PRKAR1A: variants seen among roughly 807,000 people sequenced by gnomAD.
PRKAR1A encodes cAMP-dependent protein kinase type I-alpha regulatory subunit.
In PRKAR1A, 3 loss-of-function variants were observed where a neutral mutation model predicts 52.0. The ratio of observed to expected loss-of-function variants is 0.06; its 90% CI spans 0.03 to 0.15. The LOEUF (loss-of-function observed/expected upper bound fraction) is 0.15, where lower values mean the gene tolerates loss of function less well. Ranked by LOEUF, PRKAR1A falls within the 10% of genes least tolerant of loss-of-function variation. PRKAR1A has a pLI of 1.00. For missense variants in PRKAR1A, 240 were observed against 477.4 expected (o/e 0.50, Z 4.63); for synonymous variants, 188 against 168.4 (o/e 1.12, Z -0.90).
chr17:68,453,023 C>T, the PRKAR1A span: 21 of 1,568,712 alleles, frequency 1.3e-5, no homozygotes, highest in South Asian at 4.4e-5. Context: ...ATGGGAATAA[C>T]GACAGGTATT....
chr17:68,453,224 G>C, the PRKAR1A span, among the ~76,000 whole-genome samples: 1 of 152,120 alleles, frequency 6.6e-6, no homozygotes, highest in African/African-American at 2.4e-5. Flanking sequence ...AAATGATCAA[G>C]GGGCATGAAA....
the PRKAR1A span, among the ~76,000 whole-genome samples, chr17:68,503,488 G>A: frequency 3.3e-5 from 5 of 152,280 alleles, no homozygotes; most frequent in East Asian, 9.6e-4. Flanking sequence ...CATCTATACA[G>A]TGGAATATTA....
chr17:68,456,893 A>G, the PRKAR1A span, among the ~76,000 whole-genome samples: 112 of 152,296 alleles, frequency 7.4e-4, no homozygotes, highest in Non-Finnish European at 1.3e-3. Flanking sequence ...GACAAATGGG[A>G]AAGTTTTTCC....
chr17:68,496,214 G>A, the PRKAR1A span, among the ~76,000 whole-genome samples: 61,165 of 147,412 alleles, frequency 0.41, 13,156 homozygotes, highest in East Asian at 0.65. Context: ...GCTAATTTTT[G>A]TATTTTTTGT....
At chr17:68,488,734 CAAAAAAAAAAA>C in the PRKAR1A span, among the ~76,000 whole-genome samples, 2 of 42,812 alleles carry the variant, frequency 4.7e-5, no homozygotes, top group African/African-American at 8.6e-5. Flanking sequence ...CATCTCAAAA[CAAAAAAAAAAA>C]AAAAAAAAAA....
Position 68,542,214 on chromosome 17 carries a change from C to G in PRKAR1A, c.974-8870C>G. ...AGGAGTAAGTGGAGGGCTCTGGAGG[C>G]ATGACATCTTCCTGGCCTAGGAAAT... is the stretch of plus-strand genomic sequence containing the variant. On this transcript the variant is annotated intron_variant, in intron 11 of 11. Transcript: ENST00000585981. 6 of 1,599,188 alleles carry G rather than the reference C, an allele frequency of 3.8e-6. No homozygotes were observed. In the South Asian group the frequency reaches 6.6e-5, roughly 18 times the overall value.
the PRKAR1A span, chr17:68,450,949 G>A: frequency 6.4e-7 from 1 of 1,569,438 alleles, no homozygotes; most frequent in Non-Finnish European, 8.6e-7. Context: ...TTCCAAGAAG[G>A]ATTCCAGCCT....
chr17:68,446,833 A>G, the PRKAR1A span, among the ~76,000 whole-genome samples: 1 of 152,136 alleles, frequency 6.6e-6, no homozygotes, highest in Non-Finnish European at 1.5e-5. Context: ...TGATGGCACC[A>G]TCTGCTCTGC....
At chr17:68,514,077 T>G (rs916191166) in intron 1 of PRKAR1A, among the ~76,000 whole-genome samples, 27 of 152,242 alleles carry the variant, frequency 1.8e-4, no homozygotes, top group Admixed American at 1.8e-3. Context: ...TGTTTTTGTT[T>G]TGCCTGTTTA....
the PRKAR1A span, among the ~76,000 whole-genome samples, chr17:68,430,734 A>T: frequency 6.6e-6 from 1 of 152,304 alleles, no homozygotes; most frequent in South Asian, 2.1e-4. Context: ...ACTTCATCCC[A>T]AGGCCTCTGC....
chr17:68,481,222 C>A, the PRKAR1A span, among the ~76,000 whole-genome samples: 10 of 152,302 alleles, frequency 6.6e-5, no homozygotes, highest in South Asian at 1.2e-3. Flanking sequence ...CTTTTTGGCA[C>A]CAGGGACTGG....
chr17:68,426,001 C>G, the PRKAR1A span: 1 of 1,167,448 alleles, frequency 8.6e-7, no homozygotes, highest in Admixed American at 1.8e-5. Flanking sequence ...AGGGACTCTG[C>G]CTCTCGTATG....
At chr17:68,486,322 T>C in the PRKAR1A span, among the ~76,000 whole-genome samples, 1 of 152,076 alleles carries the variant, frequency 6.6e-6, no homozygotes, top group Non-Finnish European at 1.5e-5. Flanking sequence ...ACAAGCTCCT[T>C]ATCTTGGGGC....
chr17:68,493,855 G>A, the PRKAR1A span, among the ~76,000 whole-genome samples: 2 of 152,206 alleles, frequency 1.3e-5, no homozygotes, highest in East Asian at 3.9e-4. Context: ...GCCTCCCAAA[G>A]TGCTGGGATT....
chr17:68,455,877 C>T, the PRKAR1A span, among the ~76,000 whole-genome samples: 1 of 152,182 alleles, frequency 6.6e-6, no homozygotes, highest in Non-Finnish European at 1.5e-5. Context: ...CCTTTCTTAA[C>T]TTGTGTTCAA....
the PRKAR1A span, chr17:68,426,254 G>GGGGGGCCCCCCC: frequency 1.2e-6 from 1 of 816,920 alleles, no homozygotes; most frequent in Non-Finnish European, 1.9e-6. Context: ...GGGAGCGGGG[G>GGGGGGCCCCCCC]CTCAAATAAA....
the PRKAR1A span, chr17:68,420,180 C>T: frequency 6.2e-7 from 1 of 1,612,770 alleles, no homozygotes; most frequent in Non-Finnish European, 8.5e-7. Context: ...GTTGTCATTC[C>T]CTCTCTAGGT....
At chr17:68,488,780 T>C in the PRKAR1A span, among the ~76,000 whole-genome samples, 1 of 149,994 alleles carries the variant, frequency 6.7e-6, no homozygotes, top group Admixed American at 6.6e-5. Context: ...TTCTCCATCA[T>C]TCCTTTCCCT....
the PRKAR1A span, chr17:68,426,242 T>G: frequency 9.2e-4 from 626 of 682,282 alleles, 9 homozygotes; most frequent in African/African-American, 1.4e-3. Context: ...ACCTGGCGGG[T>G]GGGGAGCGGG....
Sources: gnomAD v4.1 joint callset for allele counts (sites outside exome capture counted in the v4.1 genomes callset) on GRCh38, gnomAD v4.1.1 for gene constraint, MANE v1.5 for transcripts, NCBI Gene and HGNC (gene_info 2026-07-23, HGNC 2026-07-21) for gene names.